GLRB: variants seen among roughly 807,000 people sequenced by gnomAD.
The protein encoded by GLRB is glycine receptor subunit beta.
GLRB carries 33 observed loss-of-function variants against 54.2 expected under a neutral mutation model. That is an observed-to-expected ratio of 0.61 (90% confidence interval 0.46 to 0.81). The LOEUF (loss-of-function observed/expected upper bound fraction) is 0.81, where lower values mean the gene tolerates loss of function less well. Ranked by LOEUF, GLRB falls within the 40% of genes least tolerant of loss-of-function variation. GLRB has a pLI of 0.00. For synonymous variants in GLRB, 209 were observed against 208.2 expected, an observed-to-expected ratio of 1.00 and a Z score of -0.03; for missense variants, 572 against 584.6, an observed-to-expected ratio of 0.98 and a Z score of 0.22.
chr4:157,101,541 A>C (rs1735025194), intron 2 of GLRB, among the ~76,000 whole-genome samples: 1 of 152,046 alleles, frequency 6.6e-6, no homozygotes, highest in Admixed American at 6.6e-5. Flanking sequence ...TACAATGAGA[A>C]AGTTCTCCTT....
chr4:157,088,922 A>G (rs1040554517), intron 2 of GLRB, among the ~76,000 whole-genome samples: 1 of 152,102 alleles, frequency 6.6e-6, no homozygotes, highest in Non-Finnish European at 1.5e-5. Flanking sequence ...TGTTTCTTCA[A>G]CTAGTAGGAT....
chr4:157,088,014 A>T (rs150939164), intron 2 of GLRB, among the ~76,000 whole-genome samples: 2 of 152,248 alleles, frequency 1.3e-5, no homozygotes, highest in East Asian at 3.9e-4. Flanking sequence ...TGTACATACA[A>T]ATGGTTCCTC....
At chr4:157,121,764 T>G (rs765155729) in intron 3 of GLRB, among the ~76,000 whole-genome samples, 1 of 151,700 alleles carries the variant, frequency 6.6e-6, no homozygotes, top group Non-Finnish European at 1.5e-5. Context: ...ACCTTAGTTC[T>G]CACTCCGTGA....
intron 4 of GLRB, among the ~76,000 whole-genome samples, chr4:157,131,951 T>C (rs1244092508): frequency 6.6e-6 from 1 of 151,864 alleles, no homozygotes; most frequent in Non-Finnish European, 1.5e-5. Flanking sequence ...CTGGATCATA[T>C]GGTAAAAGTA....
At chr4:157,136,217 A>G in intron 4 of GLRB, 1 of 452,628 alleles carries the variant, frequency 2.2e-6, no homozygotes, top group Non-Finnish European at 4.0e-6. Flanking sequence ...ACTATCAACA[A>G]GGTTATATTC....
At chr4:157,158,549 T>C (rs914490881) in intron 9 of GLRB, among the ~76,000 whole-genome samples, 3 of 152,240 alleles carry the variant, frequency 2.0e-5, no homozygotes, top group African/African-American at 7.2e-5. Flanking sequence ...TTTCCACATG[T>C]GGCTAGCCAG....
At chr4:157,146,295 G>A (rs535638525) in intron 8 of GLRB, among the ~76,000 whole-genome samples, 5 of 152,128 alleles carry the variant, frequency 3.3e-5, no homozygotes, top group South Asian at 4.1e-4. Flanking sequence ...GATTACAGGC[G>A]TGAGCCACTG....
Position 157,143,915 on chromosome 4 carries a change from C to T in GLRB, c.860C>T (p.Ser287Phe). ...CTCATTGTTGTTCTCTCCTGGCTTT[C>T]CTTCTGGATCAACCCGGACGCGAGT... is the stretch of plus-strand genomic sequence containing the variant. ...TLLIVVLSWL[S>F]FWINPDASAA... is the part of the protein sequence containing the mutation. Residue 287 changes from serine (S) to phenylalanine (F), a missense_variant, in exon 8 of 10, where the codon TCC (serine) becomes TTC (phenylalanine). Coordinates refer to ENST00000264428, the MANE Select transcript of GLRB (RefSeq NM_000824.5). The T allele has an allele frequency of 5.0e-6, 8 of 1,614,068 alleles. No homozygotes were observed. Among genetic ancestry groups the T allele is most frequent in the Non-Finnish European group, 6.8e-6 (8 of 1,179,996 alleles).
intron 9 of GLRB, among the ~76,000 whole-genome samples, chr4:157,170,027 G>T (rs1483320833): frequency 6.6e-6 from 1 of 152,094 alleles, no homozygotes; most frequent in Middle Eastern, 3.2e-3. Flanking sequence ...GAAGTCAAAG[G>T]CTAGTAATAT....
chr4:157,110,184 A>T (rs777344593), intron 2 of GLRB, among the ~76,000 whole-genome samples: 4 of 151,988 alleles, frequency 2.6e-5, no homozygotes, highest in Non-Finnish European at 5.9e-5. Context: ...ACTGCCAGTC[A>T]TCTTATTAGC....
chr4:157,140,072 A>T (rs1736552335), intron 7 of GLRB, among the ~76,000 whole-genome samples: 1 of 152,026 alleles, frequency 6.6e-6, no homozygotes, highest in Admixed American at 6.5e-5. Context: ...TTCAAAATAC[A>T]TTAGCAAATG....
chr4:157,083,895 A>G (rs1434696653), intron 2 of GLRB, among the ~76,000 whole-genome samples: 3 of 152,302 alleles, frequency 2.0e-5, no homozygotes, highest in East Asian at 1.9e-4. Flanking sequence ...GTAAGAAGAA[A>G]TATGTCAAGC....
At chr4:157,134,553 T>C (rs941158209) in intron 4 of GLRB, among the ~76,000 whole-genome samples, 1 of 152,116 alleles carries the variant, frequency 6.6e-6, no homozygotes, top group Non-Finnish European at 1.5e-5. Flanking sequence ...TTAATACTTA[T>C]ATCCCTATAC....
At chr4:157,076,715 G>A (rs557514773) in intron 1 of GLRB, among the ~76,000 whole-genome samples, 2 of 152,166 alleles carry the variant, frequency 1.3e-5, no homozygotes, top group East Asian at 2.0e-4. Context: ...GGGGGGCTCG[G>A]CCCTCCTTTT....
intron 9 of GLRB, among the ~76,000 whole-genome samples, chr4:157,169,856 C>A (rs1373741038): frequency 6.6e-6 from 1 of 152,066 alleles, no homozygotes; most frequent in East Asian, 1.9e-4. Flanking sequence ...GTTCAGCCAA[C>A]AAGTTGGGAA....
intron 2 of GLRB, among the ~76,000 whole-genome samples, chr4:157,086,911 G>A (rs1421868101): frequency 1.3e-5 from 2 of 152,052 alleles, no homozygotes; most frequent in Non-Finnish European, 2.9e-5. Context: ...TGATATTTCA[G>A]AATCCCTTTT....
chr4:157,122,079 C>A, intron 3 of GLRB, among the ~76,000 whole-genome samples: 1 of 145,920 alleles, frequency 6.9e-6, no homozygotes, highest in African/African-American at 2.5e-5. Flanking sequence ...CAATTTAAGA[C>A]ATAATTCTTC....
chr4:157,156,248 A>G (rs1261877339), intron 9 of GLRB, among the ~76,000 whole-genome samples: 4 of 152,004 alleles, frequency 2.6e-5, no homozygotes, highest in Non-Finnish European at 5.9e-5. Context: ...ATGTGTTTCC[A>G]TTTGTTTGTT....
At chr4:157,157,647 G>A (rs56835026) in intron 9 of GLRB, among the ~76,000 whole-genome samples, 19,106 of 151,998 alleles carry the variant, frequency 0.13, 2,575 homozygotes, top group African/African-American at 0.34. Flanking sequence ...AGCTTCATCC[G>A]TGTCCCTACA....
Sources: allele counts gnomAD v4.1 joint callset (sites outside exome capture counted in the v4.1 genomes callset), GRCh38; gene constraint gnomAD v4.1.1; transcripts MANE v1.5; gene names NCBI Gene and HGNC (gene_info 2026-07-23, HGNC 2026-07-21).